DNM2: variants seen among roughly 807,000 people sequenced by gnomAD.
DNM2 encodes the protein dynamin-2.
In DNM2, 15 loss-of-function variants were observed where a neutral mutation model predicts 99.0. The observed-to-expected ratio is 0.15, with a 90% CI of 0.10 to 0.23. DNM2 has a LOEUF of 0.23. DNM2 is among the 10% of genes least tolerant of loss of function. The pLI is 1.00. For missense variants in DNM2, 742 were observed against 1,189.4 expected, an observed-to-expected ratio of 0.62 and a Z score of 5.53; for synonymous variants, 525 against 481.2, an observed-to-expected ratio of 1.09 and a Z score of -1.19.
rs945727677 is a variant in DNM2 at position 10,830,774 on chromosome 19, G to A, written c.2544-204G>A. On this transcript the variant is annotated intron_variant, in intron 20 of 20. Coordinates refer to ENST00000389253, the MANE Select transcript of DNM2 (RefSeq NM_001005361.3). The surrounding 1 kb of genome is among the most constrained non-coding windows in gnomAD (Gnocchi z 4.8). Reference sequence around the variant, plus strand: ...GGAAGCTGAGGCCCAGGGAGGGCAGGGGGCTCACTGAGGGTCAAACAGCAG... The same window carrying A: ...GGAAGCTGAGGCCCAGGGAGGGCAGAGGGCTCACTGAGGGTCAAACAGCAG... 3.3e-5 allele frequency among the ~76,000 whole-genome samples: 5 copies of A among 152,154 alleles called. No homozygotes were observed. Among genetic ancestry groups the A allele is most frequent in the Non-Finnish European group, 7.4e-5 (5 of 68,008 alleles).
At chr19:10,800,298 A>G (rs972029819) in intron 11 of DNM2, among the ~76,000 whole-genome samples, 4 of 151,586 alleles carry the variant, frequency 2.6e-5, no homozygotes, top group African/African-American at 7.3e-5. Flanking sequence ...TGGGGATGAA[A>G]TGGGCTCATT....
Position 10,796,127 on chromosome 19 carries a change from A to G in DNM2, c.1196+688A>G. Reference sequence around the variant, plus strand: ...TGAAAAAGCAGGTCGTCAAGCTGAAAGAGCCCTGTCTGAAATGTGTCGACC... The same window carrying G: ...TGAAAAAGCAGGTCGTCAAGCTGAAGGAGCCCTGTCTGAAATGTGTCGACC... On this transcript the variant is annotated intron_variant, in intron 9 of 20. Coordinates refer to ENST00000389253, the MANE Select transcript of DNM2 (RefSeq NM_001005361.3). This position sits in a 1 kb window ranked among gnomAD's most constrained non-coding sequence, Gnocchi z 5.6. 6.2e-7 allele frequency: 1 copy of G among 1,614,190 alleles called. No homozygotes were observed. Among genetic ancestry groups the G allele is most frequent in the Non-Finnish European group, 8.5e-7 (1 of 1,180,026 alleles).
intron 14 of DNM2, chr19:10,810,635 A>T (rs1043581809): frequency 1.3e-5 from 2 of 152,326 alleles, no homozygotes; most frequent in Non-Finnish European, 2.9e-5. Flanking sequence ...GAGCCAGGCC[A>T]CCGAGGGGTG....
chr19:10,723,457 G>A (rs565502028), intron 1 of DNM2, among the ~76,000 whole-genome samples: 17 of 152,168 alleles, frequency 1.1e-4, no homozygotes, highest in African/African-American at 3.6e-4. Context: ...TAATAGAGAT[G>A]GGGTTTCGCC....
intron 1 of DNM2, among the ~76,000 whole-genome samples, chr19:10,757,313 C>G (rs1270647017): frequency 6.6e-6 from 1 of 152,188 alleles, no homozygotes; most frequent in Non-Finnish European, 1.5e-5. Context: ...GTGGGACAGC[C>G]CCCCGGCTGA....
rs761681835 is a variant in DNM2, at chr19:10,811,930, T to G, written c.1558-334T>G. On this transcript the variant is annotated intron_variant, in intron 14 of 20. Transcript: ENST00000389253. The surrounding 1 kb of genome is among the most constrained non-coding windows in gnomAD (Gnocchi z 5.4). ...ATCTCACGCAAACAAGTGCAGTTCCTCAGATGTCACATTTCATGTGCCACA... is the reference window on the plus strand; with the variant it reads ...ATCTCACGCAAACAAGTGCAGTTCCGCAGATGTCACATTTCATGTGCCACA... 22 of 455,886 alleles carry G rather than the reference T, an allele frequency of 4.8e-5. No homozygotes were observed. Among genetic ancestry groups the G allele is most frequent in the Admixed American group, 4.5e-4 (19 of 42,046 alleles). The allele number at this position is 455,886 out of a possible 1,614,324, so 28.2% of individuals were successfully genotyped here.
At chr19:10,723,746 C>A (rs772314157) in intron 1 of DNM2, among the ~76,000 whole-genome samples, 4 of 152,190 alleles carry the variant, frequency 2.6e-5, no homozygotes, top group African/African-American at 4.8e-5. Context: ...TGGCCCTGAG[C>A]AAGTTACCAG....
chr19:10,755,750 G>A (rs902298499), intron 1 of DNM2, among the ~76,000 whole-genome samples: 30 of 151,678 alleles, frequency 2.0e-4, no homozygotes, highest in African/African-American at 6.8e-4. Flanking sequence ...TACAATCTCC[G>A]CCTCCCGGGT....
chr19:10,766,512 C>T (rs1043879927), intron 2 of DNM2, among the ~76,000 whole-genome samples: 1 of 152,128 alleles, frequency 6.6e-6, no homozygotes, highest in Non-Finnish European at 1.5e-5. Context: ...CTGTTTAGCA[C>T]AGTGGGGCCC....
At position 10,830,279 on chromosome 19, in the gene DNM2, C is replaced by T; in HGVS notation, c.2444C>T (p.Pro815Leu). 2 of 1,613,944 alleles carry T rather than the reference C, an allele frequency of 1.2e-6. No individual in the cohort carries two copies. Among genetic ancestry groups the T allele is most frequent in the Non-Finnish European group, 1.7e-6 (2 of 1,179,924 alleles). The change falls in exon 20 of 21, where the codon CCC becomes CTC. Residue 815 changes from proline to leucine, a missense_variant. Pro to Leu is a moderately conservative substitution (Grantham distance 98). This residue lies in a region of DNM2 where 187 missense variants were observed against 218.8 expected (regional missense o/e 0.85). Coordinates refer to ENST00000389253, the MANE Select transcript of DNM2 (RefSeq NM_001005361.3). The surrounding 1 kb of genome is among the most constrained non-coding windows in gnomAD (Gnocchi z 4.8). ...CCCCCAATCCCATCCCGGCCTGGACCCCAGAGCGTGTTTGCCAACAGTGAC... is the reference window on the plus strand; with the variant it reads ...CCCCCAATCCCATCCCGGCCTGGACTCCAGAGCGTGTTTGCCAACAGTGAC... ...SAPPIPSRPG[P>L]QSVFANSDLF... is the part of the protein sequence containing the mutation.
rs1277356835 is a variant in DNM2 at position 10,812,217 on chromosome 19, T to G, written c.1558-47T>G. ...CAAGGCTGCTGCGCTGGGGGATGGC[T>G]GGGGCACGGAGCGAGGTTCCCTGCT... On this transcript the variant is annotated intron_variant, in intron 14 of 20. Transcript: ENST00000389253. This position sits in a 1 kb window ranked among gnomAD's most constrained non-coding sequence, Gnocchi z 4.0. The G allele has an allele frequency of 6.6e-7, 1 of 1,511,020 alleles. No homozygotes were observed. The highest frequency in any genetic ancestry group is 2.0e-5 in the Admixed American group (1 of 50,714). The allele number at this position is 1,511,020 out of a possible 1,614,324, so 93.6% of individuals were successfully genotyped here.
intron 1 of DNM2, among the ~76,000 whole-genome samples, chr19:10,737,547 G>A (rs2069573953): frequency 6.6e-6 from 1 of 152,024 alleles, no homozygotes. Flanking sequence ...GAGTGGAGTG[G>A]CGATCTTGGC....
rs1195430595 is a variant in DNM2, at chr19:10,799,532, TTG to T, written c.1422+962_1422+963del. ...GGGGTGCTTTTTGTGTTGTGGTTTT[TTG>T]TTTTTTTTTTTTTTTTTGAGACAGA... On this transcript the variant is annotated intron_variant, in intron 11 of 20. Transcript: ENST00000389253. Among the ~76,000 whole-genome samples the T allele has an allele frequency of 0.017, 2,132 of 127,478 alleles. 99 individuals carry two copies. In the East Asian group the frequency reaches 0.22, roughly 13 times the overall value. The allele number at this position is 127,478 out of a possible 152,430, so 83.6% of individuals were successfully genotyped here.
At chr19:10,790,293 T>TTCTG (rs2071707896) in intron 7 of DNM2, among the ~76,000 whole-genome samples, 1 of 150,874 alleles carries the variant, frequency 6.6e-6, no homozygotes, top group African/African-American at 2.4e-5. Context: ...CCCAGGGTTT[T>TTCTG]TTTGTTTGTT....
intron 1 of DNM2, among the ~76,000 whole-genome samples, chr19:10,729,194 A>AT: frequency 6.9e-6 from 1 of 144,342 alleles, no homozygotes; most frequent in African/African-American, 2.6e-5. Context: ...AAAAAAATAT[A>AT]AAAAATTAGC....
Position 10,795,788 on chromosome 19 carries a change from C to A in DNM2, c.1196+349C>A. On this transcript the variant is annotated intron_variant, in intron 9 of 20. Coordinates refer to ENST00000389253, the MANE Select transcript of DNM2 (RefSeq NM_001005361.3). This position sits in a 1 kb window ranked among gnomAD's most constrained non-coding sequence, Gnocchi z 4.2. Reference sequence around the variant, plus strand: ...GGCACTGAATCAGGGTTTTGGGAAGCCAGCATGAGTCCCCATCATGGCTTC... The same window carrying A: ...GGCACTGAATCAGGGTTTTGGGAAGACAGCATGAGTCCCCATCATGGCTTC... 1 of 592,820 alleles carries A rather than the reference C, an allele frequency of 1.7e-6. No homozygotes were observed. Among genetic ancestry groups the A allele is most frequent in the Admixed American group, 3.0e-5 (1 of 33,788 alleles). The allele number at this position is 592,820 out of a possible 1,614,324, so 36.7% of individuals were successfully genotyped here.
In DNM2 at chr19:10,796,947, C is replaced by T. The variant is rs901137715; in HGVS notation, c.1197-433C>T. Among the ~76,000 whole-genome samples, 3 of 152,092 alleles carry T rather than the reference C, an allele frequency of 2.0e-5. No individual in the cohort carries two copies. Among genetic ancestry groups the T allele is most frequent in the Admixed American group, 6.6e-5 (1 of 15,254 alleles). On this transcript the variant is annotated intron_variant, in intron 9 of 20. Transcript: ENST00000389253. The surrounding 1 kb of genome is among the most constrained non-coding windows in gnomAD (Gnocchi z 5.6). ...CGCGACCACAGTGTCCCCAGCGCTC[C>T]GGGTTGCCAGGGAATTTCTGCTTGA...
At chr19:10,786,414 G>A in intron 6 of DNM2, 150 bp from the exon 7 acceptor site, 12 of 1,266,026 alleles carry the variant, frequency 9.5e-6, no homozygotes, top group Non-Finnish European at 1.4e-5. Context: ...TCTGTGGCTT[G>A]ATTTATCTGT....
chr19:10,789,150 A>C (rs1329611088), intron 7 of DNM2, among the ~76,000 whole-genome samples: 1 of 152,138 alleles, frequency 6.6e-6, no homozygotes, highest in East Asian at 1.9e-4. Context: ...GTGAGCCAAG[A>C]TTGTGCCACT....
Sources: gnomAD v4.1 joint callset for allele counts (sites outside exome capture counted in the v4.1 genomes callset) on GRCh38, gnomAD v4.1.1 for gene constraint, gnomAD v4.1.1 regional missense constraint, Gnocchi (gnomAD v3.1) non-coding constraint, MANE v1.5 for transcripts, NCBI Gene and HGNC (gene_info 2026-07-23, HGNC 2026-07-21) for gene names.